The following UNC5D variants were observed in gnomAD, a reference collection of about 807,000 sequenced individuals.
UNC5D encodes the protein netrin receptor UNC5D.
UNC5D carries 39 observed loss-of-function variants against 105.4 expected under a neutral mutation model. The ratio of observed to expected loss-of-function variants is 0.37; its 90% CI spans 0.29 to 0.48. The LOEUF (loss-of-function observed/expected upper bound fraction) is 0.48, where lower values mean the gene tolerates loss of function less well. Among genes scored for constraint, UNC5D ranks in the 20% least tolerant of loss-of-function variants. The pLI, the probability that UNC5D is intolerant of heterozygous loss-of-function variation, is 0.98. For missense variants in UNC5D, 991 were observed against 1,202.4 expected, an observed-to-expected ratio of 0.82 and a Z score of 2.60; for synonymous variants, 452 against 450.4, an observed-to-expected ratio of 1.00 and a Z score of -0.04.
At chr8:35,698,631 A>G (rs1826961965) in intron 7 of UNC5D, among the ~76,000 whole-genome samples, 1 of 152,130 alleles carries the variant, frequency 6.6e-6, no homozygotes, top group Non-Finnish European at 1.5e-5. Context: ...TTGTTTGTAT[A>G]TACTACATTT....
chr8:35,559,901 C>T (rs1222291085), intron 2 of UNC5D, among the ~76,000 whole-genome samples: 4 of 152,180 alleles, frequency 2.6e-5, no homozygotes, highest in Non-Finnish European at 4.4e-5. Context: ...TAACTGCTGT[C>T]AGCATTTTTC....
At chr8:35,583,078 G>GAA (rs2130849701) in intron 3 of UNC5D, among the ~76,000 whole-genome samples, 1 of 152,318 alleles carries the variant, frequency 6.6e-6, no homozygotes, top group African/African-American at 2.4e-5. Flanking sequence ...CAGGCTGGGT[G>GAA]CAGTGGCTCA....
At chr8:35,779,913 T>C (rs73673929) in intron 16 of UNC5D, among the ~76,000 whole-genome samples, 2,627 of 152,264 alleles carry the variant, frequency 0.017, 62 homozygotes, top group African/African-American at 0.06. Context: ...GTACCTGAAA[T>C]TCTATTAGAT....
At chr8:35,587,192 G>C (rs1256908349) in intron 3 of UNC5D, among the ~76,000 whole-genome samples, 1 of 152,142 alleles carries the variant, frequency 6.6e-6, no homozygotes, top group Admixed American at 6.6e-5. Flanking sequence ...GCATTCTGCT[G>C]TGGAACTGAA....
intron 4 of UNC5D, among the ~76,000 whole-genome samples, chr8:35,623,684 A>T (rs1359169349): frequency 6.6e-6 from 1 of 152,212 alleles, no homozygotes; most frequent in African/African-American, 2.4e-5. Flanking sequence ...AAGGATTTTA[A>T]TATAGAATAA....
intron 1 of UNC5D, among the ~76,000 whole-genome samples, chr8:35,431,524 A>G (rs1806636785): frequency 6.6e-6 from 1 of 152,168 alleles, no homozygotes; most frequent in African/African-American, 2.4e-5. Context: ...TCAAAAAACC[A>G]ATGCTAGAAA....
chr8:35,480,815 A>G (rs1188728478), intron 1 of UNC5D, among the ~76,000 whole-genome samples: 1 of 152,144 alleles, frequency 6.6e-6, no homozygotes, highest in Non-Finnish European at 1.5e-5. Flanking sequence ...ATAACTCTAG[A>G]CCCTTGGTCT....
intron 1 of UNC5D, among the ~76,000 whole-genome samples, chr8:35,370,211 T>A (rs1302230007): frequency 6.6e-6 from 1 of 152,166 alleles, no homozygotes; most frequent in East Asian, 1.9e-4. Context: ...GAGTTAACCA[T>A]GGCTACTCAT....
intron 1 of UNC5D, among the ~76,000 whole-genome samples, chr8:35,315,725 G>T (rs1809250658): frequency 6.6e-6 from 1 of 152,124 alleles, no homozygotes; most frequent in African/African-American, 2.4e-5. Flanking sequence ...TGTTATTGTT[G>T]TCAACCCCAG....
chr8:35,734,842 G>A (rs1486256394), intron 11 of UNC5D, among the ~76,000 whole-genome samples: 1 of 148,654 alleles, frequency 6.7e-6, no homozygotes, highest in Non-Finnish European at 1.5e-5. Context: ...GAGTGCAATG[G>A]CGCCATCTTG....
chr8:35,735,630 TAAG>T (rs1451916363), intron 11 of UNC5D, among the ~76,000 whole-genome samples: 2 of 152,100 alleles, frequency 1.3e-5, no homozygotes, highest in Non-Finnish European at 2.9e-5. Flanking sequence ...AGGCATGAAA[TAAG>T]AGCAAATACA....
Position 35,684,657 on chromosome 8 carries a change from C to G in UNC5D, c.827C>G (p.Ser276Cys), listed in dbSNP as rs760742908. 6.2e-7 allele frequency: 1 copy of G among 1,613,820 alleles called. No homozygotes were observed. Among genetic ancestry groups the G allele is most frequent in the Non-Finnish European group, 8.5e-7 (1 of 1,179,992 alleles). ...TGTGGTAGAGGATGGCAGAAACGTT[C>G]CCGGACCTGCACCAACCCAGCTCCT... ...VRCGRGWQKR[S>C]RTCTNPAPLN... Residue 276 changes from serine to cysteine, a missense_variant, in exon 6 of 17, where the codon TCC becomes TGC. Transcript: ENST00000404895.
At chr8:35,271,737 A>G (rs911742266) in intron 1 of UNC5D, among the ~76,000 whole-genome samples, 4 of 126,258 alleles carry the variant, frequency 3.2e-5, no homozygotes, top group Admixed American at 7.7e-5. Context: ...ATGTATACAT[A>G]TATATTTATA....
chr8:35,472,461 G>A (rs1809800031), intron 1 of UNC5D, among the ~76,000 whole-genome samples: 1 of 152,126 alleles, frequency 6.6e-6, no homozygotes, highest in Non-Finnish European at 1.5e-5. Context: ...TGAGAAAAAT[G>A]TGAGGCTTTT....
chr8:35,625,982 A>G (rs1238078714), intron 4 of UNC5D, among the ~76,000 whole-genome samples: 1 of 152,226 alleles, frequency 6.6e-6, no homozygotes, highest in Non-Finnish European at 1.5e-5. Context: ...GAAGCAATAA[A>G]TAAGAGTTTA....
chr8:35,535,535 C>T (rs1458540066), intron 1 of UNC5D, among the ~76,000 whole-genome samples: 2 of 151,412 alleles, frequency 1.3e-5, no homozygotes, highest in Admixed American at 6.6e-5. Context: ...AAGCTCTTTA[C>T]CAAACACACT....
chr8:35,320,887 C>T (rs1809690895), intron 1 of UNC5D, among the ~76,000 whole-genome samples: 1 of 152,082 alleles, frequency 6.6e-6, no homozygotes, highest in African/African-American at 2.4e-5. Context: ...AAATGTATAG[C>T]CAGTGACTAA....
At chr8:35,332,470 A>T (rs1810700433) in intron 1 of UNC5D, among the ~76,000 whole-genome samples, 1 of 152,228 alleles carries the variant, frequency 6.6e-6, no homozygotes, top group African/African-American at 2.4e-5. Context: ...TATTGTTGAA[A>T]ATGAAAAGAT....
At chr8:35,263,806 A>T (rs1804649556) in intron 1 of UNC5D, among the ~76,000 whole-genome samples, 2 of 152,244 alleles carry the variant, frequency 1.3e-5, no homozygotes, top group Admixed American at 6.5e-5. Context: ...ATCAAGTGAC[A>T]ACTGACTTGC....
Sources: allele counts gnomAD v4.1 joint callset (sites outside exome capture counted in the v4.1 genomes callset), GRCh38; gene constraint gnomAD v4.1.1; transcripts MANE v1.5; gene names NCBI Gene and HGNC (gene_info 2026-07-23, HGNC 2026-07-21).